PPARGC1A: variants seen among roughly 807,000 people sequenced by gnomAD.
PPARGC1A encodes PPARG coactivator 1 alpha, also known as peroxisome proliferator-activated receptor gamma coactivator 1-alpha.
PPARGC1A carries 25 observed loss-of-function variants against 88.7 expected under a neutral mutation model. That is an observed-to-expected ratio of 0.28 (90% CI 0.21 to 0.39). PPARGC1A has a LOEUF of 0.39. Ranked by LOEUF, PPARGC1A falls within the 10% of genes least tolerant of loss-of-function variation. PPARGC1A has a pLI of 1.00. For synonymous variants in PPARGC1A, 363 were observed against 355.6 expected (o/e 1.02, Z -0.24); for missense variants, 880 against 968.7 (o/e 0.91, Z 1.22).
chr4:23,919,864 A>T, the PPARGC1A span, among the ~76,000 whole-genome samples: 2 of 152,336 alleles, frequency 1.3e-5, no homozygotes, highest in East Asian at 3.9e-4. Flanking sequence ...AACTTGGATC[A>T]AATCGGAAGA....
At chr4:24,177,740 CAATAAGAGCTGG>C in the PPARGC1A span, among the ~76,000 whole-genome samples, 1 of 150,880 alleles carries the variant, frequency 6.6e-6, no homozygotes, top group Non-Finnish European at 1.5e-5. Flanking sequence ...ACCAGTCATT[CAATAAGAGCTGG>C]CAGGCATACA....
the PPARGC1A span, among the ~76,000 whole-genome samples, chr4:24,354,015 G>A: frequency 6.6e-6 from 1 of 152,170 alleles, no homozygotes; most frequent in Non-Finnish European, 1.5e-5. Context: ...TCAGAAGTCT[G>A]CCGCGGTCTC....
Position 23,856,180 on chromosome 4 carries a change from T to G in PPARGC1A, c.235-24429A>C, listed in dbSNP as rs534393848. 2.6e-5 allele frequency among the ~76,000 whole-genome samples: 4 copies of G among 152,250 alleles called. No homozygotes were observed. The South Asian group carries it at 8.3e-4, about 32-fold the overall frequency. On this transcript the variant is annotated intron_variant, in intron 2 of 12. Coordinates refer to ENST00000264867, the MANE Select transcript of PPARGC1A (RefSeq NM_013261.5). ...AGTATATACTTGAGCTTCCTGACTT[T>G]CCAGAATGTGCCAACACAACCATAA...
At chr4:24,392,041 G>A in the PPARGC1A span, among the ~76,000 whole-genome samples, 2 of 152,132 alleles carry the variant, frequency 1.3e-5, no homozygotes, top group African/African-American at 4.8e-5. Context: ...CAGAGCACCA[G>A]GGGAGCCTTA....
chr4:24,032,406 T>C, the PPARGC1A span, among the ~76,000 whole-genome samples: 43 of 152,136 alleles, frequency 2.8e-4, no homozygotes, highest in Non-Finnish European at 4.3e-4. Flanking sequence ...TGTCATGGTG[T>C]TCATAGAGCT....
chr4:23,961,332 T>C, the PPARGC1A span, among the ~76,000 whole-genome samples: 2 of 152,132 alleles, frequency 1.3e-5, no homozygotes, highest in African/African-American at 4.8e-5. Flanking sequence ...TTCTTGAGGA[T>C]TTCAGGGATG....
At chr4:23,869,051 C>T (rs1428853770) in intron 2 of PPARGC1A, among the ~76,000 whole-genome samples, 1 of 152,168 alleles carries the variant, frequency 6.6e-6, no homozygotes, top group Non-Finnish European at 1.5e-5. Flanking sequence ...AGCCTGGAAT[C>T]AGCTTGTATG....
At chr4:24,442,841 T>A in the PPARGC1A span, among the ~76,000 whole-genome samples, 7 of 152,326 alleles carry the variant, frequency 4.6e-5, no homozygotes, top group Non-Finnish European at 7.3e-5. Context: ...GAGCCTGTAT[T>A]TCCAATTATG....
At chr4:24,142,723 T>C in the PPARGC1A span, among the ~76,000 whole-genome samples, 1 of 151,996 alleles carries the variant, frequency 6.6e-6, no homozygotes, top group Non-Finnish European at 1.5e-5. Flanking sequence ...AGGGAAGATC[T>C]CACAGAGATG....
the PPARGC1A span, among the ~76,000 whole-genome samples, chr4:24,129,196 C>G: frequency 6.6e-6 from 1 of 151,074 alleles, no homozygotes; most frequent in African/African-American, 2.4e-5. Flanking sequence ...GGAAAGAGTG[C>G]TGGGAGCCGG....
chr4:24,352,693 C>T, the PPARGC1A span, among the ~76,000 whole-genome samples: 2 of 152,218 alleles, frequency 1.3e-5, no homozygotes, highest in African/African-American at 4.8e-5. Context: ...CTGCCTGCCC[C>T]AGCCTTGGCA....
the PPARGC1A span, among the ~76,000 whole-genome samples, chr4:23,993,255 C>T: frequency 2.6e-5 from 4 of 152,120 alleles, no homozygotes; most frequent in Admixed American, 2.6e-4. Context: ...AAGTGTCTTA[C>T]ATAGATTATC....
Position 23,798,728 on chromosome 4 carries a change from C to T in PPARGC1A, c.2294-2803G>A, listed in dbSNP as rs558122782. On this transcript the variant is annotated intron_variant, in intron 12 of 12. Transcript: ENST00000264867. ...TGGTCTTTCCCCTCTGATTTTTTTT[C>T]GTTGAGGTCTTTAGAAAGATCCATT... 2.0e-5 allele frequency among the ~76,000 whole-genome samples: 3 copies of T among 151,688 alleles called. No homozygotes were observed. In the South Asian group the frequency reaches 6.2e-4, roughly 32 times the overall value.
chr4:23,936,113 A>G, the PPARGC1A span, among the ~76,000 whole-genome samples: 1 of 152,220 alleles, frequency 6.6e-6, no homozygotes, highest in East Asian at 1.9e-4. Flanking sequence ...ATAAGCTAAT[A>G]TTACCACAAA....
At chr4:24,260,719 CTTT>C in the PPARGC1A span, among the ~76,000 whole-genome samples, 1 of 146,398 alleles carries the variant, frequency 6.8e-6, no homozygotes, top group Non-Finnish European at 1.5e-5. Flanking sequence ...TACAACATGT[CTTT>C]TTTTTTTTAA....
chr4:23,993,254 A>C, the PPARGC1A span, among the ~76,000 whole-genome samples: 2 of 152,178 alleles, frequency 1.3e-5, no homozygotes, highest in Non-Finnish European at 2.9e-5. Context: ...TAAGTGTCTT[A>C]CATAGATTAT....
chr4:24,431,085 G>A, the PPARGC1A span, among the ~76,000 whole-genome samples: 7 of 135,968 alleles, frequency 5.1e-5, no homozygotes, highest in African/African-American at 1.9e-4. Flanking sequence ...AGATCACACC[G>A]CTGCACTCCA....
At chr4:24,175,417 C>G in the PPARGC1A span, among the ~76,000 whole-genome samples, 9 of 147,136 alleles carry the variant, frequency 6.1e-5, no homozygotes, top group Non-Finnish European at 1.3e-4. Flanking sequence ...TTTTGTCACC[C>G]AGGCTGGAGC....
chr4:24,341,541 T>C, the PPARGC1A span, among the ~76,000 whole-genome samples: 2 of 152,132 alleles, frequency 1.3e-5, no homozygotes, highest in Non-Finnish European at 2.9e-5. Context: ...GCAAATGTTT[T>C]GAGTAAAAGT....
Sources: gnomAD v4.1 joint callset for allele counts (sites outside exome capture counted in the v4.1 genomes callset) on GRCh38, gnomAD v4.1.1 for gene constraint, MANE v1.5 for transcripts, NCBI Gene and HGNC (gene_info 2026-07-23, HGNC 2026-07-21) for gene names.